GLIS3: variants seen among roughly 807,000 people sequenced by gnomAD.
GLIS3 encodes zinc finger protein GLIS3.
In GLIS3, 53 loss-of-function variants were observed where a neutral mutation model predicts 78.6. That is an observed-to-expected ratio of 0.67 (90% CI 0.54 to 0.85). The LOEUF (loss-of-function observed/expected upper bound fraction) is 0.85. GLIS3 is among the 40% of genes least tolerant of loss of function. The pLI is 0.00. For synonymous variants in GLIS3, 684 were observed against 509.9 expected (o/e 1.34, Z -4.60); for missense variants, 1,703 against 1,231.1 (o/e 1.38, Z -5.74).
intron 4 of GLIS3, among the ~76,000 whole-genome samples, chr9:4,092,700 C>T (rs806038): frequency 0.6 from 90,923 of 151,970 alleles, 27,283 homozygotes; most frequent in Middle Eastern, 0.64. Context: ...TGTCATCTCC[C>T]ATAATAACAA....
chr9:4,452,839 G>C, the GLIS3 span, among the ~76,000 whole-genome samples: 585 of 151,870 alleles, frequency 3.9e-3, 2 homozygotes, highest in African/African-American at 0.014. Flanking sequence ...AACCAAAAAA[G>C]AGCCCATATA....
intron 2 of GLIS3, among the ~76,000 whole-genome samples, chr9:4,131,166 C>A (rs931853221): frequency 6.6e-6 from 1 of 152,304 alleles, no homozygotes; most frequent in Non-Finnish European, 1.5e-5. Context: ...TCCATTGTAT[C>A]TTAGCAGTAA....
chr9:3,953,831 T>C (rs1816898733), intron 4 of GLIS3, among the ~76,000 whole-genome samples: 2 of 137,672 alleles, frequency 1.5e-5, no homozygotes, highest in African/African-American at 2.7e-5. Context: ...ATCTTCTCCA[T>C]CTCACATACA....
intron 2 of GLIS3, among the ~76,000 whole-genome samples, chr9:4,248,602 C>T (rs1309845381): frequency 2.0e-5 from 3 of 152,188 alleles, no homozygotes; most frequent in African/African-American, 4.8e-5. Context: ...TGGGTATATA[C>T]TCAGTAGTGG....
At chr9:4,290,184 T>C (rs1828331247) in intron 1 of GLIS3, among the ~76,000 whole-genome samples, 1 of 152,146 alleles carries the variant, frequency 6.6e-6, no homozygotes, top group Non-Finnish European at 1.5e-5. Context: ...GATGAGCCAG[T>C]TAATTATTAA....
intron 4 of GLIS3, among the ~76,000 whole-genome samples, chr9:3,989,469 C>T (rs1404115527): frequency 6.6e-6 from 1 of 152,110 alleles, no homozygotes; most frequent in East Asian, 1.9e-4. Flanking sequence ...CTTGTAATAG[C>T]TTAAACTACA....
chr9:4,334,283 T>G (rs115526427), intron 2 of GLIS3, among the ~76,000 whole-genome samples: 1 of 152,156 alleles, frequency 6.6e-6, no homozygotes, highest in Non-Finnish European at 1.5e-5. Flanking sequence ...GATATAACAT[T>G]CAGTCCTTCT....
the GLIS3 span, among the ~76,000 whole-genome samples, chr9:4,430,236 C>A: frequency 6.6e-6 from 1 of 152,202 alleles, no homozygotes; most frequent in African/African-American, 2.4e-5. Context: ...CTAGCTCCAA[C>A]TTATCATTAA....
At chr9:4,064,598 T>TG (rs1327721022) in intron 4 of GLIS3, among the ~76,000 whole-genome samples, 1 of 152,172 alleles carries the variant, frequency 6.6e-6, no homozygotes, top group African/African-American at 2.4e-5. Flanking sequence ...GAGACCAGAC[T>TG]GGCCAACATG....
chr9:4,214,242 G>A (rs756324609), intron 2 of GLIS3, among the ~76,000 whole-genome samples: 1 of 152,188 alleles, frequency 6.6e-6, no homozygotes, highest in Non-Finnish European at 1.5e-5. Flanking sequence ...TTTCAAGTGC[G>A]CATTTTTGTG....
chr9:4,372,785 T>C, the GLIS3 span, among the ~76,000 whole-genome samples: 1 of 152,190 alleles, frequency 6.6e-6, no homozygotes, highest in Admixed American at 6.5e-5. Context: ...CTCATCTAAC[T>C]TTTGAAGGAA....
At chr9:4,228,974 A>G (rs1822019478) in intron 2 of GLIS3, among the ~76,000 whole-genome samples, 1 of 151,992 alleles carries the variant, frequency 6.6e-6, no homozygotes, top group Admixed American at 6.6e-5. Context: ...TTTGTTGAGT[A>G]CAGCAAGATT....
intron 2 of GLIS3, among the ~76,000 whole-genome samples, chr9:4,266,048 A>G (rs1323607799): frequency 2.0e-5 from 3 of 151,962 alleles, no homozygotes; most frequent in Non-Finnish European, 4.4e-5. Flanking sequence ...CCTCCCGAGT[A>G]GCTGGGACTA....
chr9:3,882,673 C>T (rs540685202), intron 7 of GLIS3, among the ~76,000 whole-genome samples: 3 of 152,316 alleles, frequency 2.0e-5, no homozygotes, highest in East Asian at 3.9e-4. Flanking sequence ...ATCCATAGCC[C>T]TTCCCTTGAA....
chr9:4,208,006 G>A (rs1348444336), intron 2 of GLIS3, among the ~76,000 whole-genome samples: 1 of 152,320 alleles, frequency 6.6e-6, no homozygotes, highest in African/African-American at 2.4e-5. Flanking sequence ...GTTAGTGTGT[G>A]TGACTCAATA....
intron 4 of GLIS3, among the ~76,000 whole-genome samples, chr9:4,094,593 G>GTTC (rs1829792603): frequency 6.6e-6 from 1 of 152,058 alleles, no homozygotes. Flanking sequence ...ATAAATAACT[G>GTTC]AATGAAAGTC....
At chr9:4,327,599 G>A (rs532639800) in intron 2 of GLIS3, among the ~76,000 whole-genome samples, 10 of 152,292 alleles carry the variant, frequency 6.6e-5, no homozygotes, top group African/African-American at 2.4e-4. Context: ...ACAATTCTGA[G>A]CTCTCTGCTT....
the GLIS3 span, among the ~76,000 whole-genome samples, chr9:4,418,632 G>A: frequency 1.3e-5 from 2 of 152,244 alleles, no homozygotes; most frequent in African/African-American, 2.4e-5. Flanking sequence ...CTGGGAGGCA[G>A]AGGTTGCAGT....
At chr9:4,254,666 C>A (rs900217064) in intron 2 of GLIS3, among the ~76,000 whole-genome samples, 1 of 151,830 alleles carries the variant, frequency 6.6e-6, no homozygotes, top group Admixed American at 6.6e-5. Context: ...ATGGTGAAAC[C>A]CCATCTCTAC....
Sources: allele counts gnomAD v4.1 joint callset (sites outside exome capture counted in the v4.1 genomes callset), GRCh38; gene constraint gnomAD v4.1.1; transcripts MANE v1.5; gene names NCBI Gene and HGNC (gene_info 2026-07-23, HGNC 2026-07-21).